KCND2: variants seen among roughly 807,000 people sequenced by gnomAD.
The protein encoded by KCND2 is potassium voltage-gated channel subfamily D member 2.
KCND2 carries 16 observed loss-of-function variants against 54.4 expected under a neutral mutation model. The observed-to-expected ratio is 0.29, with a 90% CI of 0.20 to 0.45. KCND2 has a LOEUF of 0.45. KCND2 is among the 20% of genes least tolerant of loss of function. KCND2 has a pLI of 1.00. For missense variants in KCND2, 486 were observed against 824.2 expected (o/e 0.59, Z 5.02); for synonymous variants, 317 against 310.7 (o/e 1.02, Z -0.21).
chr7:120,505,159 T>C (rs1377442879), intron 1 of KCND2, among the ~76,000 whole-genome samples: 1 of 151,758 alleles, frequency 6.6e-6, no homozygotes, highest in Non-Finnish European at 1.5e-5. Context: ...CACTATTTTA[T>C]TTTTATTATT....
intron 1 of KCND2, among the ~76,000 whole-genome samples, chr7:120,496,549 T>A (rs1802850505): frequency 6.6e-6 from 1 of 151,886 alleles, no homozygotes; most frequent in African/African-American, 2.4e-5. Flanking sequence ...CTCAGCCTCC[T>A]GAGTAGCTGG....
intron 1 of KCND2, among the ~76,000 whole-genome samples, chr7:120,475,437 CCTTT>C (rs1283808078): frequency 6.6e-6 from 1 of 152,090 alleles, no homozygotes; most frequent in Non-Finnish European, 1.5e-5. Flanking sequence ...ATGCCCTATC[CCTTT>C]CTTTATTTGT....
chr7:120,545,740 A>G (rs531330726), intron 1 of KCND2, among the ~76,000 whole-genome samples: 1 of 151,968 alleles, frequency 6.6e-6, no homozygotes, highest in South Asian at 2.1e-4. Flanking sequence ...ATAACTTTAG[A>G]AAAAAAGGTA....
At chr7:120,608,046 C>A (rs1017046936) in intron 1 of KCND2, among the ~76,000 whole-genome samples, 2 of 151,040 alleles carry the variant, frequency 1.3e-5, no homozygotes, top group African/African-American at 4.9e-5. Flanking sequence ...TGGTATAGAG[C>A]CACAAAAGAT....
At chr7:120,301,205 C>T (rs1248867695) in intron 1 of KCND2, among the ~76,000 whole-genome samples, 1 of 152,136 alleles carries the variant, frequency 6.6e-6, no homozygotes, top group Non-Finnish European at 1.5e-5. Context: ...TCAATTGCTA[C>T]AACAAGATTC....
At chr7:120,366,243 G>A (rs1800676520) in intron 1 of KCND2, among the ~76,000 whole-genome samples, 1 of 152,064 alleles carries the variant, frequency 6.6e-6, no homozygotes, top group Non-Finnish European at 1.5e-5. Flanking sequence ...CCAGCACTTT[G>A]GGAGTCCAAG....
chr7:120,746,056 A>C (rs1276363985), intron 5 of KCND2, 29 bp downstream of exon 5: 4 of 1,609,100 alleles, frequency 2.5e-6, no homozygotes. Flanking sequence ...TGTTGTCTAC[A>C]CACCTGTGCT....
At chr7:120,319,007 C>T (rs1799854818) in intron 1 of KCND2, among the ~76,000 whole-genome samples, 2 of 152,054 alleles carry the variant, frequency 1.3e-5, no homozygotes, top group Admixed American at 1.3e-4. Context: ...CTATTATCAT[C>T]ACTACAATTC....
chr7:120,703,725 A>C (rs1032694115), intron 1 of KCND2, among the ~76,000 whole-genome samples: 1 of 152,132 alleles, frequency 6.6e-6, no homozygotes, highest in Non-Finnish European at 1.5e-5. Flanking sequence ...ATGCTGATAC[A>C]TTGCAGGTGA....
chr7:120,275,140 A>C lies in KCND2; in HGVS notation c.508A>C (p.Arg170=). ...SALPTMTARQ[R]VWRAFENPHT... ...CTTGCCCACCATGACTGCAAGGCAG[A>C]GGGTCTGGAGGGCCTTCGAGAACCC... is the stretch of plus-strand genomic sequence containing the variant. Residue 170 remains arginine, a synonymous_variant, in exon 1 of 6, where the codon AGG becomes CGG. Transcript: ENST00000331113. The C allele has an allele frequency of 1.9e-6, 3 of 1,613,888 alleles. No homozygotes were observed. The Middle Eastern group carries it at 4.9e-4, about 266-fold the overall frequency.
chr7:120,634,923 C>A (rs894433983), intron 1 of KCND2, among the ~76,000 whole-genome samples: 1 of 152,150 alleles, frequency 6.6e-6, no homozygotes, highest in Admixed American at 6.5e-5. Flanking sequence ...GGTTCTGCCT[C>A]ACACCACCTC....
At chr7:120,565,649 C>T (rs1205293956) in intron 1 of KCND2, among the ~76,000 whole-genome samples, 1 of 152,084 alleles carries the variant, frequency 6.6e-6, no homozygotes, top group Non-Finnish European at 1.5e-5. Context: ...ACAGAGATTC[C>T]ATGGTTTTTA....
Position 120,309,470 on chromosome 7 carries a change from TATATACAC to T in KCND2, c.1115+33725_1115+33732del, listed in dbSNP as rs1220468157. On this transcript the variant is annotated intron_variant, in intron 1 of 5. Transcript: ENST00000331113. Reference sequence around the variant, plus strand: ...TAGAAAACATATATATATATATATATATATACACACACACACACACACACACACACACA... The same window carrying T: ...TAGAAAACATATATATATATATATATACACACACACACACACACACACACA... Among the ~76,000 whole-genome samples, 1,032 of 124,246 alleles carry T rather than the reference TATATACAC, an allele frequency of 8.3e-3. 10 individuals are homozygous for T. Among genetic ancestry groups the T allele is most frequent in the Non-Finnish European group, 0.012 (720 of 59,006 alleles). 81.5% of individuals were successfully genotyped at this position (124,246 alleles called of 152,430 possible).
At position 120,742,545 on chromosome 7, in the gene KCND2, C is replaced by T. The variant is rs1259406631; in HGVS notation, c.1410C>T (p.Ser470=). The change falls in exon 4 of 6, where the codon TCC becomes TCT. Residue 470 remains serine, a synonymous_variant. Coordinates refer to ENST00000331113, the MANE Select transcript of KCND2 (RefSeq NM_012281.3). ...SEDEQAFVSK[S]GSSFETQHHH... is the part of the protein sequence containing the mutation. ...ATGAGCAGGCTTTTGTTAGCAAATCCGGCTCCAGCTTTGAAACCCAGCACC... is the reference window on the plus strand; with the variant it reads ...ATGAGCAGGCTTTTGTTAGCAAATCTGGCTCCAGCTTTGAAACCCAGCACC... 11 of 1,613,420 alleles carry T rather than the reference C, an allele frequency of 6.8e-6. No individual in the cohort carries two copies. The highest frequency in any genetic ancestry group is 1.3e-5 in the African/African-American group (1 of 74,862).
At chr7:120,513,913 C>T (rs780479612) in intron 1 of KCND2, among the ~76,000 whole-genome samples, 4 of 152,154 alleles carry the variant, frequency 2.6e-5, no homozygotes, top group Middle Eastern at 3.4e-3. Flanking sequence ...TTAAACCATG[C>T]CACTACTCTA....
At chr7:120,458,816 C>T (rs1802239103) in intron 1 of KCND2, among the ~76,000 whole-genome samples, 1 of 151,188 alleles carries the variant, frequency 6.6e-6, no homozygotes, top group African/African-American at 2.4e-5. Flanking sequence ...TTGACTCTTC[C>T]TTCAGATTAT....
At chr7:120,539,670 T>C (rs2116378168) in intron 1 of KCND2, among the ~76,000 whole-genome samples, 1 of 152,334 alleles carries the variant, frequency 6.6e-6, no homozygotes, top group African/African-American at 2.4e-5. Flanking sequence ...TACACCATGA[T>C]GTTTTCATAC....
intron 1 of KCND2, among the ~76,000 whole-genome samples, chr7:120,469,051 C>G (rs1562847130): frequency 6.6e-6 from 1 of 152,108 alleles, no homozygotes; most frequent in Non-Finnish European, 1.5e-5. Flanking sequence ...CACAGTACCT[C>G]TCATCCTCAG....
chr7:120,397,586 C>A (rs906823758), intron 1 of KCND2, among the ~76,000 whole-genome samples: 7 of 151,868 alleles, frequency 4.6e-5, no homozygotes, highest in African/African-American at 7.3e-5. Flanking sequence ...TATTGATTAA[C>A]AGCTGAATCA....
Sources: allele counts gnomAD v4.1 joint callset (sites outside exome capture counted in the v4.1 genomes callset), GRCh38; gene constraint gnomAD v4.1.1; transcripts MANE v1.5; gene names NCBI Gene and HGNC (gene_info 2026-07-23, HGNC 2026-07-21).